DCHS2: variants seen among roughly 807,000 people sequenced by gnomAD.
DCHS2 encodes the protein dachsous cadherin-related 2.
Under a neutral mutation model 182.4 loss-of-function variants are expected in DCHS2, and 142 were observed. The observed-to-expected ratio is 0.78, with a 90% CI of 0.68 to 0.89. The LOEUF (loss-of-function observed/expected upper bound fraction) is 0.89. Ranked by LOEUF, DCHS2 falls within the 40% of genes least tolerant of loss-of-function variation. The pLI is 0.00. For synonymous variants in DCHS2, 1,740 were observed against 1,663.3 expected (o/e 1.05, Z -1.12); for missense variants, 4,319 against 4,198.6 (o/e 1.03, Z -0.79).
intron 1 of DCHS2, among the ~76,000 whole-genome samples, chr4:154,425,062 C>T (rs1183697097): frequency 2.0e-5 from 3 of 152,190 alleles, no homozygotes; most frequent in Non-Finnish European, 4.4e-5. Context: ...AGCAGATAAA[C>T]AGGATCGCTG....
At chr4:154,388,429 G>T (rs1440434040) in intron 1 of DCHS2, among the ~76,000 whole-genome samples, 3 of 151,262 alleles carry the variant, frequency 2.0e-5, no homozygotes, top group East Asian at 1.9e-4. Context: ...GTGATTTAAT[G>T]TGGGGAATAG....
chr4:154,456,878 C>T (rs1430910739), intron 1 of DCHS2, among the ~76,000 whole-genome samples: 1 of 152,104 alleles, frequency 6.6e-6, no homozygotes, highest in Non-Finnish European at 1.5e-5. Flanking sequence ...AGTAGGTAAA[C>T]TGTTATTGCC....
At chr4:154,313,869 TCA>T in intron 10 of DCHS2, among the ~76,000 whole-genome samples, 1 of 152,310 alleles carries the variant, frequency 6.6e-6, no homozygotes, top group South Asian at 2.1e-4. Flanking sequence ...ACCTAAATTC[TCA>T]GTTGGCATAC....
At chr4:154,355,800 T>TA (rs1729833384) in intron 3 of DCHS2, 1 of 152,144 alleles carries the variant, frequency 6.6e-6, no homozygotes, top group South Asian at 2.1e-4. Context: ...TGTAATGCAT[T>TA]ACTCATCTGC....
chr4:154,490,573 C>A lies in DCHS2; in HGVS notation c.783G>T (p.Ala261=), dbSNP rs1376303236. The A allele has an allele frequency of 1.3e-6, 2 of 1,542,972 alleles. No individual in the cohort carries two copies. The highest frequency in any genetic ancestry group is 1.4e-5 in the African/African-American group (1 of 73,012). ...CCCATGCCTCGATCTGCAGCCGGTG[C>A]GCCGCCGCCTCCTCTCGGTCCAAGC... The part of the protein sequence containing the change: ...LRRLDREEAA[A]HRLQIEAWDG... Residue 261 remains alanine, a synonymous_variant, in exon 1 of 20, where the codon GCG becomes GCT. Coordinates refer to ENST00000357232, the MANE Select transcript of DCHS2 (RefSeq NM_001358235.2).
intron 1 of DCHS2, among the ~76,000 whole-genome samples, chr4:154,478,628 A>G (rs903152797): frequency 1.3e-5 from 2 of 152,200 alleles, no homozygotes; most frequent in South Asian, 4.1e-4. Context: ...GCCATTAGAG[A>G]GAAAGAGGGA....
chr4:154,403,553 T>C (rs1732278794), intron 1 of DCHS2, among the ~76,000 whole-genome samples: 1 of 152,202 alleles, frequency 6.6e-6, no homozygotes, highest in Non-Finnish European at 1.5e-5. Flanking sequence ...CCTAATATTT[T>C]ACTGAGGATT....
chr4:154,469,114 T>G (rs1458666974), intron 1 of DCHS2, among the ~76,000 whole-genome samples: 1 of 152,144 alleles, frequency 6.6e-6, no homozygotes, highest in African/African-American at 2.4e-5. Flanking sequence ...TACTTGCTTG[T>G]ATATGCACAG....
rs181006176 is a variant in DCHS2 at position 154,491,035 on chromosome 4, G to A, written c.321C>T (p.Ser107=). ...EGSGFFLSED[S]DDSPLLDDFH... is the part of the protein sequence containing the mutation. ...AGTCGTCCAGCAGCGGGGAGTCATC[G>A]GAGTCCTCCGACAGAAAGAAGCCGC... The change falls in exon 1 of 20, where the codon TCC becomes TCT. Residue 107 remains serine (S), a synonymous_variant. Coordinates refer to ENST00000357232, the MANE Select transcript of DCHS2 (RefSeq NM_001358235.2). 3.2e-6 allele frequency: 5 copies of A among 1,550,944 alleles called. No individual in the cohort carries two copies. The highest frequency in any genetic ancestry group is 1.4e-5 in the African/African-American group (1 of 73,050).
chr4:154,377,571 G>A, intron 1 of DCHS2, 127 bp from the exon 2 acceptor site: 2 of 664,962 alleles, frequency 3.0e-6, no homozygotes, highest in Non-Finnish European at 4.9e-6. Flanking sequence ...CCTAGGCTTT[G>A]GTTTCATATC....
At chr4:154,331,646 C>A (rs775753128) in intron 5 of DCHS2, 2 of 1,613,968 alleles carry the variant, frequency 1.2e-6, no homozygotes, top group Admixed American at 1.7e-5. Context: ...GAACTGAATG[C>A]AAAGTCTGTC....
intron 1 of DCHS2, among the ~76,000 whole-genome samples, chr4:154,457,954 C>T (rs916126334): frequency 3.9e-5 from 6 of 152,308 alleles, no homozygotes; most frequent in African/African-American, 1.4e-4. Context: ...CATCAGTATG[C>T]CCTCTGCCTT....
At chr4:154,391,987 A>G (rs948730354) in intron 1 of DCHS2, among the ~76,000 whole-genome samples, 2 of 152,292 alleles carry the variant, frequency 1.3e-5, no homozygotes, top group Admixed American at 1.3e-4. Flanking sequence ...CTATATACTA[A>G]CAGGTGTTCT....
intron 2 of DCHS2, among the ~76,000 whole-genome samples, chr4:154,375,428 G>A (rs923165030): frequency 1.3e-5 from 2 of 151,750 alleles, no homozygotes; most frequent in African/African-American, 2.4e-5. Context: ...TAAATATATC[G>A]AAAAAAGGAC....
chr4:154,318,986 A>C (rs1735955581), intron 9 of DCHS2, among the ~76,000 whole-genome samples: 2 of 152,178 alleles, frequency 1.3e-5, no homozygotes, highest in Admixed American at 1.3e-4. Context: ...TGGTATTGGC[A>C]TAGGATAAAC....
intron 12 of DCHS2, among the ~76,000 whole-genome samples, chr4:154,300,261 T>C (rs970214046): frequency 6.6e-6 from 1 of 152,104 alleles, no homozygotes; most frequent in Non-Finnish European, 1.5e-5. Context: ...AAGGGCTCTC[T>C]GTATACTGCT....
At chr4:154,465,271 A>C (rs1320905069) in intron 1 of DCHS2, among the ~76,000 whole-genome samples, 1 of 152,118 alleles carries the variant, frequency 6.6e-6, no homozygotes, top group African/African-American at 2.4e-5. Context: ...CAGGAGCTTC[A>C]GTTCCTCACT....
intron 1 of DCHS2, among the ~76,000 whole-genome samples, chr4:154,488,543 A>G (rs1050351173): frequency 1.3e-5 from 2 of 152,192 alleles, no homozygotes; most frequent in Non-Finnish European, 2.9e-5. Flanking sequence ...ACACTTGGTC[A>G]TTTTAAAAAC....
chr4:154,469,407 T>C (rs1032837596), intron 1 of DCHS2, among the ~76,000 whole-genome samples: 2 of 152,312 alleles, frequency 1.3e-5, no homozygotes, highest in East Asian at 1.9e-4. Context: ...TGGAGAATTA[T>C]GTTGTTTCAA....
Sources: gnomAD v4.1 joint callset for allele counts (sites outside exome capture counted in the v4.1 genomes callset) on GRCh38, gnomAD v4.1.1 for gene constraint, MANE v1.5 for transcripts, NCBI Gene and HGNC (gene_info 2026-07-23, HGNC 2026-07-21) for gene names.